CSGALNACT1: variants seen among roughly 807,000 people sequenced by gnomAD.
CSGALNACT1 encodes chondroitin sulfate N-acetylgalactosaminyltransferase 1, also known as beta4GalNAcT-1.
CSGALNACT1 carries 52 observed loss-of-function variants against 51.0 expected under a neutral mutation model. The ratio of observed to expected loss-of-function variants is 1.02; its 90% CI spans 0.82 to 1.29. The LOEUF is 1.29. CSGALNACT1 is among the 50% of genes most tolerant of loss of function. The pLI is 0.00. For synonymous variants in CSGALNACT1, 341 were observed against 254.4 expected (o/e 1.34, Z -3.24); for missense variants, 935 against 679.2 (o/e 1.38, Z -4.19).
chr8:19,420,444 C>G (rs770646955), exon 7 of CSGALNACT1: 2 of 1,614,082 alleles, frequency 1.2e-6, no homozygotes, highest in African/African-American at 2.7e-5. Flanking sequence ...GAAGCGGGCT[C>G]CAACATCAAG....
intron 3 of CSGALNACT1, among the ~76,000 whole-genome samples, chr8:19,575,708 A>G (rs552701221): frequency 4.6e-5 from 7 of 152,324 alleles, no homozygotes; most frequent in Middle Eastern, 3.4e-3. Flanking sequence ...CATCTGTTAG[A>G]AGTATAAACA....
intron 3 of CSGALNACT1, among the ~76,000 whole-genome samples, chr8:19,525,731 C>G (rs907023994): frequency 6.9e-6 from 1 of 145,926 alleles, no homozygotes; most frequent in Non-Finnish European, 1.5e-5. Context: ...AGAGAGAAAG[C>G]AGCCTGCCCT....
intron 3 of CSGALNACT1, 80 bp from the exon 3 acceptor site, chr8:19,506,210 T>C (rs1199080481): frequency 1.6e-5 from 7 of 437,464 alleles, no homozygotes; most frequent in Admixed American, 2.6e-5. Context: ...CAATATCCAA[T>C]AGATCTCCTG....
Position 19,561,314 on chromosome 8 carries a change from T to C in CSGALNACT1, c.-297+29846A>G, listed in dbSNP as rs17128641. 6.1e-3 allele frequency among the ~76,000 whole-genome samples: 928 copies of C among 152,328 alleles called. 10 individuals are homozygous for C. Among genetic ancestry groups the C allele is most frequent in the African/African-American group, 0.021 (879 of 41,572 alleles). Reference sequence around the variant, plus strand: ...ACATTTTTGTACATATTTTTGGTCTTATAATGAAAATGACAGAAAACAAAC... The same window carrying C: ...ACATTTTTGTACATATTTTTGGTCTCATAATGAAAATGACAGAAAACAAAC... On this transcript the variant is annotated intron_variant, in intron 3 of 9. Transcript: ENST00000454498.
intron 3 of CSGALNACT1, among the ~76,000 whole-genome samples, chr8:19,509,023 G>C (rs2077918829): frequency 6.6e-6 from 1 of 152,194 alleles, no homozygotes; most frequent in African/African-American, 2.4e-5. Flanking sequence ...GGAAGGATGG[G>C]CATTTTTAAT....
At chr8:19,424,488 T>C (rs138006148) in intron 6 of CSGALNACT1, among the ~76,000 whole-genome samples, 80 of 152,034 alleles carry the variant, frequency 5.3e-4, no homozygotes, top group African/African-American at 1.9e-3. Flanking sequence ...AGGACTGAAC[T>C]GGAAAAACCA....
intron 1 of CSGALNACT1, among the ~76,000 whole-genome samples, chr8:19,613,005 T>A (rs563716858): frequency 7.4e-6 from 1 of 135,178 alleles, no homozygotes; most frequent in Non-Finnish European, 1.5e-5. Context: ...GAACTTGGTA[T>A]CTTTAAGAAC....
chr8:19,428,825 ATGTGTGTGTGTG>A (rs59241616), intron 6 of CSGALNACT1, among the ~76,000 whole-genome samples: 21,910 of 143,358 alleles, frequency 0.15, 1,997 homozygotes, highest in Middle Eastern at 0.27. Context: ...AAGACATGAT[ATGTGTGTGTGTG>A]TGTGTGTGTG....
At chr8:19,662,994 G>A (rs183971946) in intron 1 of CSGALNACT1, among the ~76,000 whole-genome samples, 1 of 152,252 alleles carries the variant, frequency 6.6e-6, no homozygotes, top group Non-Finnish European at 1.5e-5. Context: ...AAAAGGAAAG[G>A]GGGAAAAAAG....
intron 1 of CSGALNACT1, among the ~76,000 whole-genome samples, chr8:19,748,908 T>C (rs1239867425): frequency 6.6e-6 from 1 of 150,876 alleles, no homozygotes; most frequent in African/African-American, 2.4e-5. Flanking sequence ...GAGGTTGCAG[T>C]GAGCCGAGAT....
intron 1 of CSGALNACT1, among the ~76,000 whole-genome samples, chr8:19,727,721 C>T (rs1168232167): frequency 6.6e-6 from 1 of 152,098 alleles, no homozygotes; most frequent in African/African-American, 2.4e-5. Context: ...ATGTGTCCTC[C>T]CTTTTTCCCT....
At chr8:19,431,030 T>TA (rs1349281566) in intron 6 of CSGALNACT1, among the ~76,000 whole-genome samples, 1 of 152,196 alleles carries the variant, frequency 6.6e-6, no homozygotes, top group African/African-American at 2.4e-5. Context: ...ATTGATCTTG[T>TA]ACCTCACAAC....
At chr8:19,679,965 G>C (rs1277919167) in intron 1 of CSGALNACT1, among the ~76,000 whole-genome samples, 1 of 152,114 alleles carries the variant, frequency 6.6e-6, no homozygotes, top group African/African-American at 2.4e-5. Context: ...TTCATTTACA[G>C]GTTATAATGG....
intron 5 of CSGALNACT1, among the ~76,000 whole-genome samples, chr8:19,448,284 C>T (rs750986188): frequency 2.6e-5 from 4 of 152,130 alleles, no homozygotes; most frequent in Non-Finnish European, 5.9e-5. Flanking sequence ...TACTGGGCAC[C>T]TTTGGGTGCA....
intron 3 of CSGALNACT1, among the ~76,000 whole-genome samples, chr8:19,531,244 A>C (rs2082713504): frequency 1.3e-5 from 2 of 152,210 alleles, no homozygotes; most frequent in Admixed American, 6.5e-5. Flanking sequence ...AAACCCCAAA[A>C]GCACAAGCTT....
At chr8:19,611,275 A>T (rs1335139210) in intron 1 of CSGALNACT1, among the ~76,000 whole-genome samples, 3 of 152,218 alleles carry the variant, frequency 2.0e-5, no homozygotes, top group South Asian at 2.1e-4. Context: ...GTTAACATTC[A>T]TCTCCTCCAA....
chr8:19,494,302 C>T (rs987581833), intron 4 of CSGALNACT1, among the ~76,000 whole-genome samples: 5 of 152,148 alleles, frequency 3.3e-5, no homozygotes, highest in African/African-American at 1.2e-4. Flanking sequence ...CACTCCCCTC[C>T]TCCACAACAC....
chr8:19,635,387 G>C (rs973509308), intron 1 of CSGALNACT1, among the ~76,000 whole-genome samples: 9 of 152,218 alleles, frequency 5.9e-5, no homozygotes, highest in African/African-American at 2.2e-4. Flanking sequence ...TAGACACCAA[G>C]TCCTACCTGC....
intron 1 of CSGALNACT1, among the ~76,000 whole-genome samples, chr8:19,748,714 C>T (rs2064842011): frequency 6.6e-6 from 1 of 152,084 alleles, no homozygotes; most frequent in Non-Finnish European, 1.5e-5. Flanking sequence ...TCTGTAAACC[C>T]AGCACTTTGG....
Sources: gnomAD v4.1 joint callset for allele counts (sites outside exome capture counted in the v4.1 genomes callset) on GRCh38, gnomAD v4.1.1 for gene constraint, MANE v1.5 for transcripts, NCBI Gene and HGNC (gene_info 2026-07-23, HGNC 2026-07-21) for gene names.